The following NRXN3 variants were observed in gnomAD, a reference collection of about 807,000 sequenced individuals.
The protein encoded by NRXN3 is neurexin III.
NRXN3 carries 32 observed loss-of-function variants against 137.6 expected under a neutral mutation model. That is an observed-to-expected ratio of 0.23 (90% CI 0.18 to 0.31). The LOEUF is 0.31. Ranked by LOEUF, NRXN3 falls within the 10% of genes least tolerant of loss-of-function variation. The pLI is 1.00. For missense variants in NRXN3, 1,574 were observed against 2,062.5 expected (o/e 0.76, Z 4.59); for synonymous variants, 798 against 784.5 (o/e 1.02, Z -0.29).
At chr14:78,632,690 A>G (rs7156090) in intron 4 of NRXN3, among the ~76,000 whole-genome samples, 5,646 of 152,288 alleles carry the variant, frequency 0.037, 346 homozygotes, top group African/African-American at 0.13. Flanking sequence ...AAATATACAA[A>G]GTATCCTAAT....
chr14:79,489,392 C>A (rs1056781558), intron 16 of NRXN3, among the ~76,000 whole-genome samples: 2 of 152,090 alleles, frequency 1.3e-5, no homozygotes, highest in Non-Finnish European at 2.9e-5. Flanking sequence ...GTGCCAATGG[C>A]ACACCAATCC....
At chr14:79,455,864 CTTTTA>C (rs2096251045) in intron 15 of NRXN3, among the ~76,000 whole-genome samples, 1 of 151,572 alleles carries the variant, frequency 6.6e-6, no homozygotes, top group African/African-American at 2.4e-5. Flanking sequence ...TAAATTTCAG[CTTTTA>C]TTTTTAATCA....
chr14:79,839,980 T>C (rs1183935308), intron 20 of NRXN3, among the ~76,000 whole-genome samples: 1 of 146,902 alleles, frequency 6.8e-6, no homozygotes, highest in African/African-American at 2.5e-5. Flanking sequence ...TGTATGTATG[T>C]ATGTATGTAT....
intron 15 of NRXN3, among the ~76,000 whole-genome samples, chr14:79,393,676 G>C (rs531628590): frequency 1.3e-5 from 2 of 152,202 alleles, no homozygotes; most frequent in African/African-American, 2.4e-5. Context: ...TTAACCGGGC[G>C]TGGTGGCGGG....
At chr14:78,802,493 C>T (rs964267998) in intron 8 of NRXN3, among the ~76,000 whole-genome samples, 2 of 152,310 alleles carry the variant, frequency 1.3e-5, no homozygotes, top group Admixed American at 1.3e-4. Flanking sequence ...TGTAACTAAC[C>T]TGCACGTTGT....
chr14:78,554,347 C>G (rs113811464), intron 4 of NRXN3, among the ~76,000 whole-genome samples: 2 of 152,202 alleles, frequency 1.3e-5, no homozygotes, highest in African/African-American at 4.8e-5. Context: ...GGGCTGGGCT[C>G]CTCTCCTGGG....
intron 8 of NRXN3, among the ~76,000 whole-genome samples, chr14:78,778,744 T>TTCCTTCTTTA (rs2098755196): frequency 1.4e-5 from 2 of 138,364 alleles, no homozygotes; most frequent in African/African-American, 5.6e-5. Flanking sequence ...CTCTCTTTCT[T>TTCCTTCTTTA]TCTTTCCTTC....
intron 15 of NRXN3, among the ~76,000 whole-genome samples, chr14:79,137,410 C>CCCCA (rs2058351690): frequency 6.6e-6 from 1 of 151,504 alleles, no homozygotes; most frequent in Non-Finnish European, 1.5e-5. Context: ...ATGCACACTG[C>CCCCA]CCCAACACGC....
At chr14:78,545,148 G>T (rs577698596) in intron 4 of NRXN3, among the ~76,000 whole-genome samples, 4 of 152,138 alleles carry the variant, frequency 2.6e-5, no homozygotes, top group African/African-American at 9.7e-5. Flanking sequence ...TAGAAGGAAG[G>T]TGGACAGTCT....
chr14:79,540,969 G>T lies in NRXN3; in HGVS notation c.3444+73567G>T, dbSNP rs920104761. Among the ~76,000 whole-genome samples, 3 of 152,200 alleles carry T rather than the reference G, an allele frequency of 2.0e-5. No homozygotes were observed. The East Asian group carries it at 5.8e-4, about 29-fold the overall frequency. ...CAAAATCAAGGTGTCAGCAAGGCTG[G>T]TTCCTTCTGGAGGTTCTGAAAATGA... On this transcript the variant is annotated intron_variant, in intron 16 of 20. Coordinates refer to ENST00000335750, the MANE Select transcript of NRXN3 (RefSeq NM_001330195.2).
chr14:79,243,775 C>CA (rs1042081481), intron 15 of NRXN3, among the ~76,000 whole-genome samples: 1 of 151,956 alleles, frequency 6.6e-6, no homozygotes, highest in Non-Finnish European at 1.5e-5. Context: ...AAAGGGATAG[C>CA]AAAAACATGG....
At chr14:79,680,201 A>C (rs2098662613) in intron 17 of NRXN3, among the ~76,000 whole-genome samples, 1 of 152,144 alleles carries the variant, frequency 6.6e-6, no homozygotes, top group Admixed American at 6.6e-5. Flanking sequence ...GCTTTTTAAA[A>C]ACCAATGTTG....
intron 19 of NRXN3, among the ~76,000 whole-genome samples, chr14:79,731,113 T>A (rs920664735): frequency 1.3e-5 from 2 of 152,146 alleles, no homozygotes; most frequent in East Asian, 3.9e-4. Flanking sequence ...AGAAAAATAG[T>A]GGTGTTTTCT....
intron 10 of NRXN3, among the ~76,000 whole-genome samples, chr14:78,888,570 G>C (rs1273965915): frequency 6.6e-6 from 1 of 151,934 alleles, no homozygotes; most frequent in Admixed American, 6.6e-5. Context: ...GAGAAGTGCC[G>C]AGCAGTGTGT....
At chr14:79,318,156 C>T (rs777462057) in intron 15 of NRXN3, among the ~76,000 whole-genome samples, 29 of 152,192 alleles carry the variant, frequency 1.9e-4, no homozygotes, top group Non-Finnish European at 3.4e-4. Context: ...GTGTTTTATG[C>T]CACAGAGAAT....
At chr14:79,272,507 C>T (rs2079509178) in intron 15 of NRXN3, among the ~76,000 whole-genome samples, 1 of 151,948 alleles carries the variant, frequency 6.6e-6, no homozygotes, top group Admixed American at 6.5e-5. Flanking sequence ...ATTTAGAAGG[C>T]ATGTTTTCTA....
At chr14:79,394,741 A>G (rs772047018) in intron 15 of NRXN3, among the ~76,000 whole-genome samples, 3 of 152,250 alleles carry the variant, frequency 2.0e-5, no homozygotes, top group African/African-American at 7.2e-5. Flanking sequence ...TATTTTTAAA[A>G]GTATCCCAGG....
chr14:79,418,160 G>A (rs2095524683), intron 15 of NRXN3, among the ~76,000 whole-genome samples: 1 of 152,162 alleles, frequency 6.6e-6, no homozygotes, highest in Non-Finnish European at 1.5e-5. Flanking sequence ...GGGAAATACA[G>A]TAATACACTG....
rs1205693658 is a variant in NRXN3, at chr14:78,696,823, G to T, written c.1222-12394G>T. Among the ~76,000 whole-genome samples, 4 of 151,984 alleles carry T rather than the reference G, an allele frequency of 2.6e-5. 1 individual carries two copies. Among genetic ancestry groups the T allele is most frequent in the African/African-American group, 9.7e-5 (4 of 41,354 alleles). On this transcript the variant is annotated intron_variant, in intron 6 of 20. Transcript: ENST00000335750. ...TTACATGTGAAACACTAAGAACAATGACCAACCCATAGGAAGCTCTCTGTT... is the reference window on the plus strand; with the variant it reads ...TTACATGTGAAACACTAAGAACAATTACCAACCCATAGGAAGCTCTCTGTT...
Sources: allele counts gnomAD v4.1 joint callset (sites outside exome capture counted in the v4.1 genomes callset), GRCh38; gene constraint gnomAD v4.1.1; transcripts MANE v1.5; gene names NCBI Gene and HGNC (gene_info 2026-07-23, HGNC 2026-07-21).